The following HSP90AA1 variants were observed in gnomAD, a reference collection of about 807,000 sequenced individuals.
The protein encoded by HSP90AA1 is heat shock protein 90 alpha family class A member 1.
HSP90AA1 carries 18 observed loss-of-function variants against 73.3 expected under a neutral mutation model. The ratio of observed to expected loss-of-function variants is 0.25; its 90% CI spans 0.17 to 0.36. HSP90AA1 has a LOEUF of 0.36. HSP90AA1 is among the 10% of genes least tolerant of loss of function. The probability of loss-of-function intolerance (pLI) is 1.00; values close to 1 mark genes in which losing one functional copy is unlikely to be tolerated. For missense variants in HSP90AA1, 704 were observed against 874.2 expected (o/e 0.81, Z 2.45); for synonymous variants, 477 against 296.9 (o/e 1.61, Z -6.24).
chr14:102,098,128 C>T (rs2049447788), intron 2 of HSP90AA1, among the ~76,000 whole-genome samples: 1 of 152,002 alleles, frequency 6.6e-6, no homozygotes, highest in Non-Finnish European at 1.5e-5. Flanking sequence ...GGGCAAGTCT[C>T]TTCTCTTTAA....
rs569008168 is a variant in HSP90AA1, at chr14:102,086,525, G to A, written c.1-147C>T. 1,046 of 934,782 alleles carry A rather than the reference G, an allele frequency of 1.1e-3. 1 individual carries two copies. The highest frequency in any genetic ancestry group is 1.3e-3 in the Non-Finnish European group (732 of 580,738). The allele number at this position is 934,782 out of a possible 1,614,324, so 57.9% of individuals were successfully genotyped here. On this transcript the variant is annotated intron_variant, in intron 1 of 10. Transcript: ENST00000216281. ...CGAAAATAGAAGGGCGGCTGACAAA[G>A]GATGACCTCATTTCGGAGCGCGGCA... is the stretch of plus-strand genomic sequence containing the variant.
At chr14:102,083,733 A>T (rs78419996) in intron 7 of HSP90AA1, 40 bp from the exon 8 acceptor site, 360 of 464,772 alleles carry the variant, frequency 7.7e-4, no homozygotes, top group Non-Finnish European at 1.0e-3. Context: ...TTTCTGAATT[A>T]AAAAAAAAAA....
chr14:102,101,811 G>T, intron 2 of HSP90AA1: 3 of 1,381,164 alleles, frequency 2.2e-6, no homozygotes, highest in Non-Finnish European at 3.1e-6. Flanking sequence ...CCGGTTGGTT[G>T]GATGGATGGT....
chr14:102,096,376 C>T (rs1164468006), intron 2 of HSP90AA1, among the ~76,000 whole-genome samples: 1 of 152,162 alleles, frequency 6.6e-6, no homozygotes, highest in Non-Finnish European at 1.5e-5. Context: ...CACTCAGGGC[C>T]CCTCAGATTC....
intron 9 of HSP90AA1, 42 bp from the exon 10 acceptor site, chr14:102,082,486 T>C (rs1400264106): frequency 1.4e-6 from 2 of 1,462,336 alleles, no homozygotes; most frequent in East Asian, 4.5e-5. Context: ...GAAAGATTAA[T>C]TCCTAAACTT....
chr14:102,083,372 C>T (rs2049141874), intron 8 of HSP90AA1, 70 bp from the exon 9 acceptor site: 6 of 1,559,256 alleles, frequency 3.8e-6, no homozygotes, highest in East Asian at 4.5e-5. Flanking sequence ...TCTGACTTTT[C>T]TTGCTAGCCA....
At chr14:102,120,170 C>T (rs993279766) in intron 1 of HSP90AA1, among the ~76,000 whole-genome samples, 8 of 152,050 alleles carry the variant, frequency 5.3e-5, no homozygotes, top group Non-Finnish European at 1.2e-4. Flanking sequence ...TCGAGACCAG[C>T]CTGGGAAACA....
At chr14:102,084,251 G>A (rs969597160) in intron 6 of HSP90AA1, 148 bp downstream of exon 6, 2 of 751,846 alleles carry the variant, frequency 2.7e-6, no homozygotes, top group Non-Finnish European at 2.3e-6. Flanking sequence ...TCACCATGTT[G>A]CCCAGGCTGG....
intron 2 of HSP90AA1, among the ~76,000 whole-genome samples, chr14:102,092,766 T>C (rs1474994570): frequency 1.3e-5 from 2 of 152,202 alleles, no homozygotes; most frequent in Admixed American, 6.5e-5. Context: ...TTGTTGTTTT[T>C]ATTTTTTTGA....
chr14:102,091,858 C>T (rs1455320438), upstream of HSP90AA1, among the ~76,000 whole-genome samples: 1 of 152,006 alleles, frequency 6.6e-6, no homozygotes. Context: ...AACTCCTGGA[C>T]TTAAGGAGTC....
At position 102,086,052 on chromosome 14, in the gene HSP90AA1, T is replaced by C. The variant is rs2049223268; in HGVS notation, c.235A>G (p.Asn79Asp). 3 of 1,613,834 alleles carry C rather than the reference T, an allele frequency of 1.9e-6. No homozygotes were observed. In the African/African-American group the frequency reaches 4.0e-5, roughly 22 times the overall value. Residue 79 changes from asparagine to aspartate, a missense_variant, in exon 3 of 11, where the codon AAC (asparagine) becomes GAC (aspartate). By Grantham distance (23) the Asn-to-Asp change is conservative (BLOSUM62 1). Transcript: ENST00000216281. ...KLDSGKELHI[N>D]LIPNKQDRTL... Reference sequence around the variant, plus strand: ...CGATCTTGTTTGTTCGGTATAAGGTTAATATGCAGCTCTTTCCCAGAGTCT... The same window carrying C: ...CGATCTTGTTTGTTCGGTATAAGGTCAATATGCAGCTCTTTCCCAGAGTCT...
At chr14:102,106,799 C>T (rs1311261331) in intron 1 of HSP90AA1, among the ~76,000 whole-genome samples, 1 of 151,938 alleles carries the variant, frequency 6.6e-6, no homozygotes, top group Non-Finnish European at 1.5e-5. Context: ...CCACCTCGGC[C>T]TCCCAAAGTG....
At chr14:102,084,274 G>C in intron 6 of HSP90AA1, 125 bp downstream of exon 6, 1 of 876,056 alleles carries the variant, frequency 1.1e-6, no homozygotes, top group Non-Finnish European at 1.9e-6. Context: ...TTGAACTCCT[G>C]ACCTCAAGTG....
At position 102,084,768 on chromosome 14, in the gene HSP90AA1, G is replaced by T. The variant is rs141494680; in HGVS notation, c.894C>A (p.Thr298=). The part of the protein sequence containing the change: ...EELNKTKPIW[T]RNPDDITNEE... ...CATTAGTAATATCGTCGGGATTTCT[G>T]GTCCAGATGGGCTTTGTTTTGTTGA... The change falls in exon 5 of 11, where the codon ACC becomes ACA. Residue 298 remains threonine (T), a synonymous_variant. Coordinates refer to ENST00000216281, the MANE Select transcript of HSP90AA1 (RefSeq NM_005348.4). The T allele has an allele frequency of 1.2e-6, 2 of 1,614,078 alleles. No homozygotes were observed. Among genetic ancestry groups the T allele is most frequent in the Middle Eastern group, 3.3e-4 (2 of 6,062 alleles).
intron 1 of HSP90AA1, among the ~76,000 whole-genome samples, chr14:102,105,229 AC>A (rs66500536): frequency 0.049 from 6,893 of 141,838 alleles, 882 homozygotes; most frequent in African/African-American, 0.16. Context: ...CAAAAAAAAA[AC>A]CAAACTTCAT....
intron 1 of HSP90AA1, among the ~76,000 whole-genome samples, chr14:102,109,442 A>C (rs1306356020): frequency 2.0e-5 from 3 of 152,148 alleles, no homozygotes; most frequent in African/African-American, 7.2e-5. Flanking sequence ...TTCTCATGAT[A>C]GTGAATAAGG....
chr14:102,107,625 G>T (rs893013589), intron 1 of HSP90AA1, among the ~76,000 whole-genome samples: 5 of 152,032 alleles, frequency 3.3e-5, no homozygotes, highest in Non-Finnish European at 1.5e-5. Flanking sequence ...TCCTAGCCTA[G>T]CCCCTGGTTT....
At chr14:102,125,346 A>G (rs2049827237) in intron 1 of HSP90AA1, among the ~76,000 whole-genome samples, 1 of 152,198 alleles carries the variant, frequency 6.6e-6, no homozygotes, top group Admixed American at 6.5e-5. Context: ...ATAAAAACCC[A>G]GTTGATAATT....
At chr14:102,122,599 A>G (rs2049791980) in intron 1 of HSP90AA1, among the ~76,000 whole-genome samples, 1 of 151,426 alleles carries the variant, frequency 6.6e-6, no homozygotes. Context: ...TTTATAATAC[A>G]TATTAATATT....
Sources: allele counts gnomAD v4.1 joint callset (sites outside exome capture counted in the v4.1 genomes callset), GRCh38; gene constraint gnomAD v4.1.1; transcripts MANE v1.5; gene names NCBI Gene and HGNC (gene_info 2026-07-23, HGNC 2026-07-21).